Variants in IMMP2L observed in about 807,000 individuals in gnomAD.
IMMP2L encodes the protein inner mitochondrial membrane peptidase subunit 2, also known as mitochondrial inner membrane protease subunit 2.
In IMMP2L, 18 loss-of-function variants were observed where a neutral mutation model predicts 19.3. The observed-to-expected ratio is 0.93, with a 90% CI of 0.64 to 1.38. IMMP2L has a LOEUF of 1.38. IMMP2L is among the 40% of genes most tolerant of loss of function. The pLI, the probability that IMMP2L is intolerant of heterozygous loss-of-function variation, is 0.00. For missense variants in IMMP2L, 233 were observed against 218.2 expected, an observed-to-expected ratio of 1.07 and a Z score of -0.43; for synonymous variants, 76 against 73.0, an observed-to-expected ratio of 1.04 and a Z score of -0.21.
intron 5 of IMMP2L, among the ~76,000 whole-genome samples, chr7:110,718,915 C>T (rs1795396513): frequency 6.6e-6 from 1 of 152,106 alleles, no homozygotes. Flanking sequence ...CTGGAATACA[C>T]AAATGAGGCT....
chr7:110,988,757 T>C (rs956269583), intron 3 of IMMP2L, among the ~76,000 whole-genome samples: 6 of 152,158 alleles, frequency 3.9e-5, no homozygotes, highest in Admixed American at 1.3e-4. Context: ...AAGTGAATTA[T>C]TGTATTCCTA....
At chr7:110,901,814 A>G (rs1255138242) in intron 4 of IMMP2L, among the ~76,000 whole-genome samples, 1 of 152,158 alleles carries the variant, frequency 6.6e-6, no homozygotes, top group Non-Finnish European at 1.5e-5. Context: ...TTTAAAAATG[A>G]TGGCTTAGAT....
chr7:111,175,994 C>T lies in IMMP2L; in HGVS notation c.240-212429G>A, dbSNP rs1019273991. Among the ~76,000 whole-genome samples, 4 of 151,834 alleles carry T rather than the reference C, an allele frequency of 2.6e-5. No homozygotes were observed. The South Asian group carries it at 6.2e-4, about 24-fold the overall frequency. On this transcript the variant is annotated intron_variant, in intron 3 of 5. Transcript: ENST00000405709. ...TAGATATTTCTCAAAAGAAGACATA[C>T]AAATGGCATACAGGTAGATGAAAAG...
rs1005197082 is a variant in IMMP2L at position 110,877,254 on chromosome 7, C to G, written c.408+9339G>C. Reference sequence around the variant, plus strand: ...GGCCATTAGCTGTGTCATGAAACAGCTGTTAAACTCTGTTCCCAGTTCTGG... The same window carrying G: ...GGCCATTAGCTGTGTCATGAAACAGGTGTTAAACTCTGTTCCCAGTTCTGG... On this transcript the variant is annotated intron_variant, in intron 5 of 5. Transcript: ENST00000405709. The surrounding 1 kb of genome is among the most constrained non-coding windows in gnomAD (Gnocchi z 4.0). Among the ~76,000 whole-genome samples, 9 of 152,152 alleles carry G rather than the reference C, an allele frequency of 5.9e-5. No individual in the cohort carries two copies. The highest frequency in any genetic ancestry group is 4.6e-4 in the Admixed American group (7 of 15,258).
At chr7:111,408,267 A>T (rs1834068699) in intron 3 of IMMP2L, among the ~76,000 whole-genome samples, 1 of 151,706 alleles carries the variant, frequency 6.6e-6, no homozygotes, top group Admixed American at 6.6e-5. Flanking sequence ...CCATTGAAAC[A>T]AGTAATAAGT....
At chr7:111,402,919 C>T (rs1411519167) in intron 3 of IMMP2L, among the ~76,000 whole-genome samples, 1 of 151,092 alleles carries the variant, frequency 6.6e-6, no homozygotes, top group African/African-American at 2.4e-5. Flanking sequence ...TCTTTTCTTT[C>T]TCTGAGACAG....
At chr7:111,306,568 A>G (rs1822892245) in intron 3 of IMMP2L, among the ~76,000 whole-genome samples, 1 of 147,478 alleles carries the variant, frequency 6.8e-6, no homozygotes, top group African/African-American at 2.5e-5. Flanking sequence ...AAGGCCTTTC[A>G]TTTTTATATA....
chr7:111,198,480 A>G (rs563948462), intron 3 of IMMP2L, among the ~76,000 whole-genome samples: 2 of 152,230 alleles, frequency 1.3e-5, no homozygotes, highest in South Asian at 4.2e-4. Flanking sequence ...TTCCTACAAC[A>G]TGGGTGTACC....
chr7:110,910,825 A>G (rs1008636620), intron 4 of IMMP2L, among the ~76,000 whole-genome samples: 17 of 152,178 alleles, frequency 1.1e-4, no homozygotes, highest in Non-Finnish European at 2.1e-4. Context: ...GACAACTCAT[A>G]ATTCTAAAAC....
At chr7:111,037,193 T>A (rs2129570143) in intron 3 of IMMP2L, among the ~76,000 whole-genome samples, 1 of 152,280 alleles carries the variant, frequency 6.6e-6, no homozygotes, top group South Asian at 2.1e-4. Context: ...AATGCTAAGA[T>A]TCTTAAACCA....
Position 111,435,591 on chromosome 7 carries a change from G to A in IMMP2L, c.239+51647C>T, listed in dbSNP as rs1837080815. 1.3e-5 allele frequency among the ~76,000 whole-genome samples: 2 copies of A among 151,418 alleles called. 1 individual carries two copies. The highest frequency in any genetic ancestry group is 4.9e-5 in the African/African-American group (2 of 40,956). The stretch of plus-strand genomic sequence containing the variant: ...TATTGGGTGCAATGTTCACTATTCA[G>A]GTGATGGGCACACTAAATGCCAAGA... On this transcript the variant is annotated intron_variant, in intron 3 of 5. Coordinates refer to ENST00000405709, the MANE Select transcript of IMMP2L (RefSeq NM_032549.4).
chr7:110,831,077 C>T (rs934124253), intron 5 of IMMP2L, among the ~76,000 whole-genome samples: 7 of 152,130 alleles, frequency 4.6e-5, no homozygotes, highest in Admixed American at 4.6e-4. Flanking sequence ...AAATTTAGCT[C>T]CACGTAGCTG....
At chr7:110,766,646 G>T (rs1397629038) in intron 5 of IMMP2L, among the ~76,000 whole-genome samples, 1 of 150,986 alleles carries the variant, frequency 6.6e-6, no homozygotes, top group African/African-American at 2.4e-5. Flanking sequence ...AATTTTCATG[G>T]TGGGAGTCAG....
chr7:111,222,719 G>C (rs1812650196), intron 3 of IMMP2L, among the ~76,000 whole-genome samples: 1 of 151,946 alleles, frequency 6.6e-6, no homozygotes, highest in Admixed American at 6.6e-5. Flanking sequence ...CAGTGAGTAA[G>C]GAATGTATAA....
At chr7:111,393,662 A>G (rs565587029) in intron 3 of IMMP2L, among the ~76,000 whole-genome samples, 44 of 152,252 alleles carry the variant, frequency 2.9e-4, no homozygotes, top group Admixed American at 7.8e-4. Context: ...TTATTTCTCA[A>G]TGTTCTTTTT....
intron 5 of IMMP2L, among the ~76,000 whole-genome samples, chr7:110,718,330 G>T (rs1247157353): frequency 6.6e-6 from 1 of 152,194 alleles, no homozygotes; most frequent in Non-Finnish European, 1.5e-5. Flanking sequence ...GAATTCTGAA[G>T]AGAGTGGTAG....
At chr7:111,013,402 A>G (rs1245123376) in intron 3 of IMMP2L, among the ~76,000 whole-genome samples, 2 of 152,192 alleles carry the variant, frequency 1.3e-5, no homozygotes, top group South Asian at 2.1e-4. Flanking sequence ...CAAGGAAAGT[A>G]GCAATAAGGA....
At chr7:110,743,408 A>G (rs1431834156) in intron 5 of IMMP2L, among the ~76,000 whole-genome samples, 1 of 152,228 alleles carries the variant, frequency 6.6e-6, no homozygotes, top group Admixed American at 6.5e-5. Context: ...GTATTAAATG[A>G]AAGTTAATAA....
chr7:111,096,280 T>G (rs1333431208), intron 3 of IMMP2L, among the ~76,000 whole-genome samples: 1 of 151,806 alleles, frequency 6.6e-6, no homozygotes. Flanking sequence ...TGCAAGGGTC[T>G]CTGACTCCAG....
Sources: gnomAD v4.1 joint callset for allele counts (sites outside exome capture counted in the v4.1 genomes callset) on GRCh38, gnomAD v4.1.1 for gene constraint, Gnocchi (gnomAD v3.1) non-coding constraint, MANE v1.5 for transcripts, NCBI Gene and HGNC (gene_info 2026-07-23, HGNC 2026-07-21) for gene names.